The following PCGF3 variants were observed in gnomAD, a reference collection of about 807,000 sequenced individuals.
PCGF3 encodes the protein polycomb group ring finger 3.
A neutral mutation model predicts 33.1 loss-of-function variants in PCGF3; 7 were observed. That is an observed-to-expected ratio of 0.21 (90% CI 0.12 to 0.40). The LOEUF (loss-of-function observed/expected upper bound fraction) is 0.40. Ranked by LOEUF, PCGF3 falls within the 10% of genes least tolerant of loss-of-function variation. PCGF3 has a pLI of 1.00. For synonymous variants in PCGF3, 153 were observed against 121.3 expected, an observed-to-expected ratio of 1.26 and a Z score of -1.72; for missense variants, 211 against 313.3, an observed-to-expected ratio of 0.67 and a Z score of 2.46.
intron 6 of PCGF3, among the ~76,000 whole-genome samples, chr4:741,640 C>T (rs1345690075): frequency 6.6e-6 from 1 of 152,172 alleles, no homozygotes; most frequent in African/African-American, 2.4e-5. Context: ...AACTCCTGAC[C>T]TCATGATCCG....
intron 6 of PCGF3, among the ~76,000 whole-genome samples, chr4:737,900 G>A (rs1014101268): frequency 2.0e-5 from 3 of 152,226 alleles, no homozygotes; most frequent in African/African-American, 4.8e-5. Context: ...GGAGCAGCAC[G>A]TTGGCATAGC....
chr4:747,792 C>T (rs1366387347), intron 8 of PCGF3, among the ~76,000 whole-genome samples: 1 of 152,182 alleles, frequency 6.6e-6, no homozygotes, highest in Non-Finnish European at 1.5e-5. Flanking sequence ...GGAGGGCTCA[C>T]ACCAGAAACC....
In PCGF3 at chr4:706,856, G is replaced by A. The variant is rs1376208671; in HGVS notation, c.-190+886G>A. Among the ~76,000 whole-genome samples the A allele has an allele frequency of 2.0e-4, 26 of 129,906 alleles. 1 individual carries two copies. The highest frequency in any genetic ancestry group is 7.4e-4 in the African/African-American group (25 of 33,880). 85.2% of individuals were successfully genotyped at this position (129,906 alleles called of 152,430 possible). Reference sequence around the variant, plus strand: ...GGACCCCAGACCAGGCAGGACCCTGGGAAGGTCGCGACCCCAGCCCAGGCA... The same window carrying A: ...GGACCCCAGACCAGGCAGGACCCTGAGAAGGTCGCGACCCCAGCCCAGGCA... On this transcript the variant is annotated intron_variant, in intron 1 of 10. Transcript: ENST00000362003.
At chr4:717,668 G>A (rs1174814846) in intron 1 of PCGF3, among the ~76,000 whole-genome samples, 2 of 152,210 alleles carry the variant, frequency 1.3e-5, no homozygotes, top group Admixed American at 6.5e-5. Context: ...GTGAGCCACC[G>A]CGCCCGGCTG....
intron 3 of PCGF3, among the ~76,000 whole-genome samples, chr4:733,093 C>CGCCCCT (rs1324316011): frequency 1.2e-5 from 1 of 83,216 alleles, no homozygotes; most frequent in East Asian, 3.3e-4. Flanking sequence ...GTGCTGCCTC[C>CGCCCCT]GCCCCTGCCC....
At chr4:758,611 C>G (rs1345083958) in intron 8 of PCGF3, among the ~76,000 whole-genome samples, 1 of 138,324 alleles carries the variant, frequency 7.2e-6, no homozygotes, top group Non-Finnish European at 1.6e-5. Context: ...CATCCCGACT[C>G]CAGTTCTTTC....
chr4:763,572 C>T (rs1745189641), intron 9 of PCGF3, among the ~76,000 whole-genome samples: 1 of 152,204 alleles, frequency 6.6e-6, no homozygotes, highest in Admixed American at 6.5e-5. Flanking sequence ...CAAGCACTGA[C>T]AACACATTCG....
At chr4:736,352 C>G (rs954538344) in intron 5 of PCGF3, among the ~76,000 whole-genome samples, 1 of 152,164 alleles carries the variant, frequency 6.6e-6, no homozygotes, top group African/African-American at 2.4e-5. Flanking sequence ...CCGGCCCTCA[C>G]AGACTTTTCT....
rs958564619 is a variant in PCGF3 at position 762,246 on chromosome 4, C to T, written c.600+830C>T. 71 of 327,164 alleles carry T rather than the reference C, an allele frequency of 2.2e-4. 4 individuals carry two copies. 20.3% of individuals were successfully genotyped at this position (327,164 alleles called of 1,614,324 possible). On this transcript the variant is annotated intron_variant, in intron 9 of 10. Coordinates refer to ENST00000362003, the Ensembl canonical transcript of PCGF3. The stretch of plus-strand genomic sequence containing the variant: ...ATAATTCTGGAATATCTGGGTGGAG[C>T]CTAAATCCCATGACACAAGTGAGGC...
In PCGF3 at chr4:755,666, G is replaced by A. The variant is rs563817393; in HGVS notation, c.463-5613G>A. Among the ~76,000 whole-genome samples the A allele has an allele frequency of 3.3e-5, 5 of 151,904 alleles. No individual in the cohort carries two copies. The South Asian group carries it at 1.0e-3, about 32-fold the overall frequency. On this transcript the variant is annotated intron_variant, in intron 8 of 10. Coordinates refer to ENST00000362003, the Ensembl canonical transcript of PCGF3. The stretch of plus-strand genomic sequence containing the variant: ...ATTTTAAAGGTTTGCTTTTTAGTTG[G>A]GTTGTAAGCCCCTGCAGTTGACCTT...
At chr4:744,155 C>A (rs932921659) in intron 7 of PCGF3, among the ~76,000 whole-genome samples, 13 of 152,134 alleles carry the variant, frequency 8.5e-5, no homozygotes, top group African/African-American at 3.1e-4. Flanking sequence ...GGTTAGGAAG[C>A]GAGTCTGGGA....
rs1036227924 is a variant in PCGF3, at chr4:708,676, G to A, written c.-190+2706G>A. Among the ~76,000 whole-genome samples, 18 of 152,282 alleles carry A rather than the reference G, an allele frequency of 1.2e-4. No homozygotes were observed. The South Asian group carries it at 1.2e-3, about 11-fold the overall frequency. ...CCTGTCCTTGCCTTGGCTGTGGTCC[G>A]TGTCCAGCACCTTCAACCCCTCCTG... On this transcript the variant is annotated intron_variant, in intron 1 of 10. Transcript: ENST00000362003.
At chr4:710,203 A>G (rs969594448) in intron 1 of PCGF3, among the ~76,000 whole-genome samples, 2 of 152,210 alleles carry the variant, frequency 1.3e-5, no homozygotes, top group Non-Finnish European at 2.9e-5. Context: ...GGGACCTCCC[A>G]TCTGGGGTTG....
intron 8 of PCGF3, among the ~76,000 whole-genome samples, chr4:752,360 G>C (rs1016290966): frequency 3.9e-5 from 6 of 152,184 alleles, no homozygotes; most frequent in African/African-American, 1.4e-4. Context: ...GCTGTTTTTT[G>C]CTCTCATCTT....
chr4:715,126 C>T (rs1435938336), intron 1 of PCGF3, among the ~76,000 whole-genome samples: 1 of 141,402 alleles, frequency 7.1e-6, no homozygotes, highest in Non-Finnish European at 1.5e-5. Flanking sequence ...AACTGGGTGT[C>T]GGTGCTGGGA....
At chr4:754,519 G>A (rs980901027) in intron 8 of PCGF3, among the ~76,000 whole-genome samples, 5 of 152,216 alleles carry the variant, frequency 3.3e-5, no homozygotes, top group Non-Finnish European at 7.3e-5. Flanking sequence ...GGTAGAAAGA[G>A]CCTCTCCTGG....
At chr4:724,370 AG>A (rs1743239035) in intron 1 of PCGF3, among the ~76,000 whole-genome samples, 1 of 152,206 alleles carries the variant, frequency 6.6e-6, no homozygotes, top group Admixed American at 6.5e-5. Flanking sequence ...CCGCACAGGC[AG>A]GGAAGGTGAA....
intron 8 of PCGF3, among the ~76,000 whole-genome samples, chr4:748,942 G>A (rs962988085): frequency 6.6e-6 from 1 of 152,274 alleles, no homozygotes; most frequent in South Asian, 2.1e-4. Context: ...TTCCAGAGGG[G>A]TGCAGGCTGC....
chr4:748,415 G>A (rs1744365103), intron 8 of PCGF3, among the ~76,000 whole-genome samples: 1 of 152,208 alleles, frequency 6.6e-6, no homozygotes. Context: ...GGCCAGGCTG[G>A]TCTCGAACTT....
Sources: allele counts gnomAD v4.1 joint callset (sites outside exome capture counted in the v4.1 genomes callset), GRCh38; gene constraint gnomAD v4.1.1; transcripts MANE v1.5; gene names NCBI Gene and HGNC (gene_info 2026-07-23, HGNC 2026-07-21).